The following SNX24 variants were observed in gnomAD, a reference collection of about 807,000 sequenced individuals.
SNX24 encodes sorting nexin 24, also known as sorting nexin-24.
Under a neutral mutation model 28.7 loss-of-function variants are expected in SNX24, and 22 were observed. That is an observed-to-expected ratio of 0.77 (90% confidence interval 0.55 to 1.10). The LOEUF (loss-of-function observed/expected upper bound fraction) is 1.10, where lower values mean the gene tolerates loss of function less well. SNX24 is among the 50% of genes least tolerant of loss of function. SNX24 has a pLI of 0.00. For synonymous variants in SNX24, 69 were observed against 71.5 expected (o/e 0.96, Z 0.18); for missense variants, 221 against 201.1 (o/e 1.10, Z -0.60).
At chr5:122,908,952 G>C (rs370017950) in intron 1 of SNX24, among the ~76,000 whole-genome samples, 3 of 152,194 alleles carry the variant, frequency 2.0e-5, no homozygotes, top group African/African-American at 7.2e-5. Context: ...CTTGAGCGGG[G>C]AGTGAAGCGT....
chr5:122,958,883 C>G (rs146788630), intron 3 of SNX24, among the ~76,000 whole-genome samples: 2 of 151,996 alleles, frequency 1.3e-5, no homozygotes, highest in Non-Finnish European at 1.5e-5. Flanking sequence ...TAATATGCTG[C>G]TGAATTTGAT....
intron 1 of SNX24, among the ~76,000 whole-genome samples, chr5:122,852,975 G>C (rs1754990073): frequency 6.6e-6 from 1 of 152,094 alleles, no homozygotes; most frequent in African/African-American, 2.4e-5. Flanking sequence ...TCCATTACCA[G>C]CATGTACAAT....
chr5:123,003,373 A>G (rs1762312633), intron 6 of SNX24, among the ~76,000 whole-genome samples: 1 of 152,252 alleles, frequency 6.6e-6, no homozygotes, highest in South Asian at 2.1e-4. Context: ...TATGTTTAAC[A>G]AATATACATG....
At chr5:122,875,933 G>C (rs1756202749) in intron 1 of SNX24, among the ~76,000 whole-genome samples, 1 of 152,224 alleles carries the variant, frequency 6.6e-6, no homozygotes, top group Non-Finnish European at 1.5e-5. Context: ...TATTAGCCCT[G>C]CATGGTGGCG....
intron 1 of SNX24, among the ~76,000 whole-genome samples, chr5:122,900,529 G>C (rs1757393417): frequency 6.6e-6 from 1 of 152,136 alleles, no homozygotes; most frequent in Non-Finnish European, 1.5e-5. Flanking sequence ...TGCTTTGGGA[G>C]GCCAAGACAG....
intron 2 of SNX24, among the ~76,000 whole-genome samples, chr5:122,945,815 TATC>T (rs1420258836): frequency 6.6e-6 from 1 of 152,184 alleles, no homozygotes; most frequent in African/African-American, 2.4e-5. Flanking sequence ...CAATCTGAAA[TATC>T]AACAATAATA....
chr5:122,865,588 C>A (rs1755681753), intron 1 of SNX24, among the ~76,000 whole-genome samples: 1 of 152,234 alleles, frequency 6.6e-6, no homozygotes, highest in Admixed American at 6.5e-5. Context: ...ATCCACCCGC[C>A]TTGGCCTCCC....
chr5:122,871,160 TTAA>T (rs1755958291), intron 1 of SNX24, among the ~76,000 whole-genome samples: 1 of 152,188 alleles, frequency 6.6e-6, no homozygotes, highest in Non-Finnish European at 1.5e-5. Flanking sequence ...GCACATATTA[TTAA>T]TAAGTTAGTT....
chr5:122,987,957 A>G (rs1027620435), intron 3 of SNX24, among the ~76,000 whole-genome samples: 6 of 152,206 alleles, frequency 3.9e-5, no homozygotes, highest in African/African-American at 1.4e-4. Context: ...TTTTAAAGAG[A>G]AGTTAATCAT....
intron 3 of SNX24, among the ~76,000 whole-genome samples, chr5:122,997,445 G>T (rs1762088744): frequency 6.6e-6 from 1 of 152,100 alleles, no homozygotes; most frequent in South Asian, 2.1e-4. Context: ...GGAGAACTCT[G>T]TTTGGGGAAG....
chr5:122,918,274 A>G (rs1758271481), intron 1 of SNX24, among the ~76,000 whole-genome samples: 1 of 152,086 alleles, frequency 6.6e-6, no homozygotes, highest in South Asian at 2.1e-4. Context: ...TTCAGTTTAT[A>G]ACAGGGCAGT....
At chr5:122,908,452 C>G (rs542044083) in intron 1 of SNX24, among the ~76,000 whole-genome samples, 1 of 152,026 alleles carries the variant, frequency 6.6e-6, no homozygotes, top group African/African-American at 2.4e-5. Flanking sequence ...CATATAAACA[C>G]GAAGAAAAAT....
intron 5 of SNX24, among the ~76,000 whole-genome samples, chr5:123,020,103 A>C (rs1456928591): frequency 6.6e-6 from 1 of 152,260 alleles, no homozygotes; most frequent in Non-Finnish European, 1.5e-5. Context: ...TGTATCGCGT[A>C]AAGCGCATGT....
In SNX24 at chr5:123,025,772, G is replaced by GT. The variant is rs1762842070; in HGVS notation, n.384-3465dup. 1.2e-6 allele frequency: 2 copies of GT among 1,607,784 alleles called. 1 individual carries two copies. The highest frequency in any genetic ancestry group is 2.2e-5 in the South Asian group (2 of 89,054). On this transcript the variant is annotated intron_variant and non_coding_transcript_variant, in intron 5 of 5. Transcript: ENST00000502387. ...TATAAAGCTTTGAAAGGAAAAAAATGTATCAATTTACCATCCCATCAATGA... is the reference window on the plus strand; with the variant it reads ...TATAAAGCTTTGAAAGGAAAAAAATGTTATCAATTTACCATCCCATCAATGA...
intron 3 of SNX24, among the ~76,000 whole-genome samples, chr5:122,996,115 C>T (rs764226419): frequency 2.6e-5 from 4 of 152,178 alleles, no homozygotes; most frequent in Non-Finnish European, 5.9e-5. Flanking sequence ...TAGAAAGAAT[C>T]CTTTACCACA....
At chr5:122,952,272 T>G (rs912997756) in intron 3 of SNX24, among the ~76,000 whole-genome samples, 2 of 152,216 alleles carry the variant, frequency 1.3e-5, no homozygotes, top group Non-Finnish European at 2.9e-5. Context: ...AGGCTACTCA[T>G]TCTATGCAGA....
chr5:122,985,839 C>T (rs971042660), intron 3 of SNX24, among the ~76,000 whole-genome samples: 1 of 152,254 alleles, frequency 6.6e-6, no homozygotes, highest in African/African-American at 2.4e-5. Flanking sequence ...GCCTCTGGAA[C>T]AACCCTCATG....
intron 1 of SNX24, among the ~76,000 whole-genome samples, chr5:122,888,970 G>A (rs1306611277): frequency 1.3e-5 from 2 of 152,082 alleles, no homozygotes; most frequent in African/African-American, 4.8e-5. Flanking sequence ...TCCTGCCTCA[G>A]CCTCATGAGT....
intron 1 of SNX24, among the ~76,000 whole-genome samples, chr5:122,889,756 T>A (rs888427006): frequency 1.3e-4 from 20 of 148,642 alleles, no homozygotes; most frequent in Non-Finnish European, 2.5e-4. Flanking sequence ...TATATATACA[T>A]TATACCTCTT....
Sources: gnomAD v4.1 joint callset for allele counts (sites outside exome capture counted in the v4.1 genomes callset) on GRCh38, gnomAD v4.1.1 for gene constraint, MANE v1.5 for transcripts, NCBI Gene and HGNC (gene_info 2026-07-23, HGNC 2026-07-21) for gene names.